Variants in CHRNB2 observed in about 807,000 individuals in gnomAD.
CHRNB2 encodes the protein neuronal acetylcholine receptor subunit beta-2.
A neutral mutation model predicts 42.7 loss-of-function variants in CHRNB2; 33 were observed. The ratio of observed to expected loss-of-function variants is 0.77; its 90% CI spans 0.59 to 1.03. CHRNB2 has a LOEUF of 1.03. Among genes scored for constraint, CHRNB2 ranks in the 50% least tolerant of loss-of-function variants. The probability of loss-of-function intolerance (pLI) is 0.00; values close to 1 mark genes in which losing one functional copy is unlikely to be tolerated. For missense variants in CHRNB2, 603 were observed against 700.9 expected (o/e 0.86, Z 1.58); for synonymous variants, 325 against 292.9 (o/e 1.11, Z -1.12).
chr1:154,575,361 A>G (rs1401161531), intron 5 of CHRNB2, among the ~76,000 whole-genome samples: 1 of 152,200 alleles, frequency 6.6e-6, no homozygotes, highest in Non-Finnish European at 1.5e-5. Flanking sequence ...GCCTTCAGAG[A>G]AGGTGATGTT....
chr1:154,570,932 A>C (rs1696151384), intron 4 of CHRNB2, among the ~76,000 whole-genome samples: 5 of 144,102 alleles, frequency 3.5e-5, no homozygotes, highest in South Asian at 2.2e-4. Context: ...TCCACCCACC[A>C]CCCCCTTCTA....
chr1:154,577,365 G>A lies in CHRNB2; in HGVS notation c.*1433G>A, dbSNP rs946313297. On this transcript the variant is annotated 3_prime_UTR_variant, in exon 6 of 6. Coordinates refer to ENST00000368476, the MANE Select transcript of CHRNB2 (RefSeq NM_000748.3). ...CTCCTGCTTCTCTAGGCAGGGCAGA[G>A]GGAGGAGACACAGCACAGGCACAGA... 6.6e-6 allele frequency: 1 copy of A among 152,324 alleles called. No homozygotes were observed. The highest frequency in any genetic ancestry group is 1.5e-5 in the Non-Finnish European group (1 of 68,120). 9.4% of individuals were successfully genotyped at this position (152,324 alleles called of 1,614,324 possible).
At chr1:154,569,874 C>T in intron 3 of CHRNB2, 38 bp downstream of exon 3, 1 of 1,609,850 alleles carries the variant, frequency 6.2e-7, no homozygotes, top group Non-Finnish European at 8.5e-7. Context: ...CACCCCTGGC[C>T]TTCTCTCTCC....
rs555047897 is a variant in CHRNB2 at position 154,568,508 on chromosome 1, C to T, written c.64+400C>T. On this transcript the variant is annotated intron_variant, in intron 1 of 5. Coordinates refer to ENST00000368476, the MANE Select transcript of CHRNB2 (RefSeq NM_000748.3). ...AAGGTACCTGGACCAGCACCCCTCC[C>T]CGGGCTCCCCATCGTTTCCCATCCC... Among the ~76,000 whole-genome samples the T allele has an allele frequency of 7.2e-5, 11 of 152,240 alleles. No individual in the cohort carries two copies. In the South Asian group the frequency reaches 2.3e-3, roughly 32 times the overall value.
In CHRNB2 at chr1:154,571,914, G is replaced by A. The variant is rs751625142; in HGVS notation, c.1091G>A (p.Arg364Gln). ...TGCGCCCGTCAGCGCCTGCGCCTGC[G>A]GCGACGCCAGCGTGAGCGCGAGGGC... is the stretch of plus-strand genomic sequence containing the variant. ...HHCARQRLRLRRRQREREGAG... is the reference protein window; with the variant it reads ...HHCARQRLRLQRRQREREGAG... The change falls in exon 5 of 6, where the codon CGG becomes CAG. Residue 364 changes from arginine to glutamine, a missense_variant. Arg to Gln is a conservative substitution (Grantham distance 43). This residue lies in a region of CHRNB2 where 270 missense variants were observed against 248.3 expected (regional missense o/e 1.09). Coordinates refer to ENST00000368476, the MANE Select transcript of CHRNB2 (RefSeq NM_000748.3). This position sits in a 1 kb window ranked among gnomAD's most constrained non-coding sequence, Gnocchi z 6.8. 8.3e-6 allele frequency: 13 copies of A among 1,571,188 alleles called. No individual in the cohort carries two copies. The highest frequency in any genetic ancestry group is 3.6e-5 in the Admixed American group (2 of 54,988).
rs565522221 is a variant in CHRNB2 at position 154,567,993 on chromosome 1, C to T, written c.-52C>T. 40 of 1,480,852 alleles carry T rather than the reference C, an allele frequency of 2.7e-5. 1 individual carries two copies. The highest frequency in any genetic ancestry group is 2.1e-4 in the Middle Eastern group (1 of 4,726). The allele number at this position is 1,480,852 out of a possible 1,614,324, so 91.7% of individuals were successfully genotyped here. ...CAGCGCCCCACCCGCGGCCCTCCCC[C>T]CGGCGGCGCGCTCCAGCCGGTGTAG... On this transcript the variant is annotated 5_prime_UTR_variant, in exon 1 of 6. Transcript: ENST00000368476.
intron 5 of CHRNB2, among the ~76,000 whole-genome samples, chr1:154,574,498 C>T (rs1213530376): frequency 6.6e-6 from 1 of 152,150 alleles, no homozygotes; most frequent in Non-Finnish European, 1.5e-5. Context: ...TTTAAAGGGA[C>T]CAGGCCGGCT....
In CHRNB2 at chr1:154,568,006, C is replaced by G. The variant is rs761649443; in HGVS notation, c.-39C>G. On this transcript the variant is annotated 5_prime_UTR_variant, in exon 1 of 6. Coordinates refer to ENST00000368476, the MANE Select transcript of CHRNB2 (RefSeq NM_000748.3). Reference sequence around the variant, plus strand: ...GCGGCCCTCCCCCCGGCGGCGCGCTCCAGCCGGTGTAGGCGAGGCAGCGAG... The same window carrying G: ...GCGGCCCTCCCCCCGGCGGCGCGCTGCAGCCGGTGTAGGCGAGGCAGCGAG... 82 of 1,508,214 alleles carry G rather than the reference C, an allele frequency of 5.4e-5. 1 individual carries two copies. Among genetic ancestry groups the G allele is most frequent in the Admixed American group, 4.3e-4 (20 of 46,596 alleles). 93.4% of individuals were successfully genotyped at this position (1,508,214 alleles called of 1,614,324 possible). A position where few individuals can be genotyped will look rare whatever the true frequency, so the allele number is the denominator to read the frequency against.
chr1:154,569,232 C>A (rs942629273), intron 1 of CHRNB2, among the ~76,000 whole-genome samples: 2 of 152,022 alleles, frequency 1.3e-5, no homozygotes, highest in Admixed American at 1.3e-4. Flanking sequence ...AGTCTCAAGT[C>A]ATCTCTGTGG....
intron 5 of CHRNB2, among the ~76,000 whole-genome samples, chr1:154,575,500 T>A (rs1277788378): frequency 6.6e-6 from 1 of 152,014 alleles, no homozygotes; most frequent in Non-Finnish European, 1.5e-5. Flanking sequence ...TAGGGCTATG[T>A]TATGGGGTGG....
chr1:154,571,931 C>T lies in CHRNB2; in HGVS notation c.1108C>T (p.Arg370Cys). ...GCGCCTGCGGCGACGCCAGCGTGAG[C>T]GCGAGGGCGCTGGAGCCCTCTTCTT... Reference protein sequence around the residue: ...RLRLRRRQREREGAGALFFRE... With the variant: ...RLRLRRRQRECEGAGALFFRE... Residue 370 changes from arginine (R) to cysteine (C), a missense_variant, in exon 5 of 6, where the codon CGC (arginine) becomes TGC (cysteine). By Grantham distance (180) the Arg-to-Cys change is radical. Transcript: ENST00000368476. The surrounding 1 kb of genome is among the most constrained non-coding windows in gnomAD (Gnocchi z 6.8). The T allele has an allele frequency of 6.4e-7, 1 of 1,555,200 alleles. No individual in the cohort carries two copies.
Position 154,579,485 on chromosome 1 carries a change from T to C in CHRNB2, c.*3553T>C, listed in dbSNP as rs558247263. On this transcript the variant is annotated 3_prime_UTR_variant, in exon 6 of 6. Coordinates refer to ENST00000368476, the MANE Select transcript of CHRNB2 (RefSeq NM_000748.3). ...GGAAAGTAAGGGGCATTCAAAGCCTTCTCTGAATCACTCCCCAAGCCAGAG... is the reference window on the plus strand; with the variant it reads ...GGAAAGTAAGGGGCATTCAAAGCCTCCTCTGAATCACTCCCCAAGCCAGAG... The C allele has an allele frequency of 6.6e-6, 1 of 152,350 alleles. No individual in the cohort carries two copies. The highest frequency in any genetic ancestry group is 6.5e-5 in the Admixed American group (1 of 15,300). 9.4% of individuals were successfully genotyped at this position (152,350 alleles called of 1,614,324 possible).
Position 154,571,365 on chromosome 1 carries a change from C to G in CHRNB2, c.542C>G (p.Thr181Arg). 2 of 1,614,232 alleles carry G rather than the reference C, an allele frequency of 1.2e-6. No homozygotes were observed. Among genetic ancestry groups the G allele is most frequent in the Non-Finnish European group, 1.7e-6 (2 of 1,180,042 alleles). Reference sequence around the variant, plus strand: ...TTCCGTTCGTGGACCTACGACCGCACAGAGATCGACTTGGTGCTGAAGAGT... The same window carrying G: ...TTCCGTTCGTGGACCTACGACCGCAGAGAGATCGACTTGGTGCTGAAGAGT... ...MKFRSWTYDR[T>R]EIDLVLKSEV... The change falls in exon 5 of 6, where the codon ACA (threonine) becomes AGA (arginine). Residue 181 changes from threonine (T) to arginine (R), a missense_variant. This residue lies in a region of CHRNB2 where 333 missense variants were observed against 452.6 expected (regional missense o/e 0.74). Transcript: ENST00000368476. The surrounding 1 kb of genome is among the most constrained non-coding windows in gnomAD (Gnocchi z 6.8).
intron 5 of CHRNB2, among the ~76,000 whole-genome samples, chr1:154,573,400 G>T (rs1696213148): frequency 6.6e-6 from 1 of 152,152 alleles, no homozygotes; most frequent in Admixed American, 6.5e-5. Flanking sequence ...CCACCAACTT[G>T]CTCCTCCACC....
At position 154,578,509 on chromosome 1, in the gene CHRNB2, GTA is replaced by G. The variant is rs1696326851; in HGVS notation, c.*2581_*2582del. On this transcript the variant is annotated 3_prime_UTR_variant, in exon 6 of 6. Coordinates refer to ENST00000368476, the MANE Select transcript of CHRNB2 (RefSeq NM_000748.3). ...TTCAGCAAGGAAGAAAGGGGTCAGT[GTA>G]TATGAAAGGGTTACCTGGGCAGTGT... is the stretch of plus-strand genomic sequence containing the variant. The G allele has an allele frequency of 1.3e-5, 2 of 152,296 alleles. No homozygotes were observed. Among genetic ancestry groups the G allele is most frequent in the African/African-American group, 4.8e-5 (2 of 41,466 alleles). The allele number at this position is 152,296 out of a possible 1,614,324, so 9.4% of individuals were successfully genotyped here. A position where few individuals can be genotyped will look rare whatever the true frequency, so the allele number is the denominator to read the frequency against.
At position 154,570,399 on chromosome 1, in the gene CHRNB2, T is replaced by C. The variant is rs200979372; in HGVS notation, c.365+32T>C. On this transcript the variant is annotated intron_variant, in intron 4 of 5. Coordinates refer to ENST00000368476, the MANE Select transcript of CHRNB2 (RefSeq NM_000748.3). ...GCAATGGGAAGGTTGGGGGAGACCA[T>C]TGGAGGGCTCAGGGAGGGAAGGGGT... is the stretch of plus-strand genomic sequence containing the variant. The C allele has an allele frequency of 9.7e-6, 13 of 1,339,726 alleles. No homozygotes were observed. In the South Asian group the frequency reaches 1.2e-4, roughly 12 times the overall value. The allele number at this position is 1,339,726 out of a possible 1,614,324, so 83.0% of individuals were successfully genotyped here. A position where few individuals can be genotyped will look rare whatever the true frequency, so the allele number is the denominator to read the frequency against.
chr1:154,572,382 C>A (rs1696193216), intron 5 of CHRNB2, among the ~76,000 whole-genome samples: 1 of 152,092 alleles, frequency 6.6e-6, no homozygotes, highest in Admixed American at 6.5e-5. Flanking sequence ...TGGAAGATGA[C>A]CTTGCTGCTT....
intron 3 of CHRNB2, 45 bp from the exon 4 acceptor site, chr1:154,570,213 C>A: frequency 7.5e-7 from 1 of 1,338,746 alleles, no homozygotes; most frequent in Non-Finnish European, 1.1e-6. Context: ...CCTTGAGCCC[C>A]ACCCAGGGCA....
chr1:154,574,539 GTTTC>G (rs765533384), intron 5 of CHRNB2, among the ~76,000 whole-genome samples: 24 of 151,996 alleles, frequency 1.6e-4, no homozygotes, highest in Admixed American at 2.6e-4. Flanking sequence ...TTGTCTGATT[GTTTC>G]TTTAACTTTT....
Sources: gnomAD v4.1 joint callset for allele counts (sites outside exome capture counted in the v4.1 genomes callset) on GRCh38, gnomAD v4.1.1 for gene constraint, gnomAD v4.1.1 regional missense constraint, Gnocchi (gnomAD v3.1) non-coding constraint, MANE v1.5 for transcripts, NCBI Gene and HGNC (gene_info 2026-07-23, HGNC 2026-07-21) for gene names.